Variants in CPED1 observed in about 807,000 individuals in gnomAD.
CPED1 encodes the protein cadherin-like and PC-esterase domain-containing protein 1.
Under a neutral mutation model 128.2 loss-of-function variants are expected in CPED1, and 114 were observed. The observed-to-expected ratio is 0.89, with a 90% CI of 0.76 to 1.04. The LOEUF (loss-of-function observed/expected upper bound fraction) is 1.04, where lower values mean the gene tolerates loss of function less well. Ranked by LOEUF, CPED1 falls within the 50% of genes least tolerant of loss-of-function variation. The pLI, the probability that CPED1 is intolerant of heterozygous loss-of-function variation, is 0.00. For synonymous variants in CPED1, 462 were observed against 426.7 expected (o/e 1.08, Z -1.02); for missense variants, 1,211 against 1,207.1 (o/e 1.00, Z -0.05).
At position 121,120,966 on chromosome 7, in the gene CPED1, T is replaced by TAAAA. The variant is rs539242359; in HGVS notation, c.919-3347_919-3344dup. 4.6e-4 allele frequency among the ~76,000 whole-genome samples: 42 copies of TAAAA among 91,654 alleles called. 2 individuals carry two copies. The highest frequency in any genetic ancestry group is 1.8e-3 in the East Asian group (3 of 1,672). 60.1% of individuals were successfully genotyped at this position (91,654 alleles called of 152,430 possible). A position where few individuals can be genotyped will look rare whatever the true frequency, so the allele number is the denominator to read the frequency against. On this transcript the variant is annotated intron_variant, in intron 7 of 22. Coordinates refer to ENST00000310396, the MANE Select transcript of CPED1 (RefSeq NM_024913.5). ...AGATAAAATAGGACAGTTCCTGACC[T>TAAAA]AAAAAAAAAAAAAAAAAAAAACAAA...
chr7:121,193,210 A>G (rs1487709901), intron 16 of CPED1, among the ~76,000 whole-genome samples: 1 of 152,190 alleles, frequency 6.6e-6, no homozygotes, highest in Non-Finnish European at 1.5e-5. Context: ...AGCTATTGCT[A>G]TGGTTAATTT....
chr7:121,208,419 A>T (rs1478834737), intron 16 of CPED1, among the ~76,000 whole-genome samples: 1 of 152,000 alleles, frequency 6.6e-6, no homozygotes, highest in Non-Finnish European at 1.5e-5. Context: ...CTTTAATTCC[A>T]ATCATGGTCA....
chr7:121,178,378 T>C (rs144632883), intron 16 of CPED1, among the ~76,000 whole-genome samples: 225 of 152,220 alleles, frequency 1.5e-3, no homozygotes, highest in African/African-American at 5.2e-3. Context: ...GCACCTATTA[T>C]ACACATGCGT....
intron 22 of CPED1, among the ~76,000 whole-genome samples, chr7:121,283,445 T>C (rs1792500325): frequency 1.3e-5 from 2 of 152,256 alleles, no homozygotes; most frequent in South Asian, 4.1e-4. Flanking sequence ...AAAATATACT[T>C]GCCAGTTTAA....
intron 16 of CPED1, among the ~76,000 whole-genome samples, chr7:121,235,956 G>C (rs917976186): frequency 6.6e-6 from 1 of 152,104 alleles, no homozygotes; most frequent in Admixed American, 6.6e-5. Flanking sequence ...GTGATAGACT[G>C]AGAGAACCCA....
intron 18 of CPED1, among the ~76,000 whole-genome samples, chr7:121,260,909 T>G (rs148607831): frequency 1.6e-3 from 251 of 152,204 alleles, no homozygotes; most frequent in African/African-American, 5.8e-3. Context: ...TTTTAATTTT[T>G]TTTCTTTTTC....
At chr7:121,067,048 A>G (rs1418325361) in intron 5 of CPED1, among the ~76,000 whole-genome samples, 3 of 152,044 alleles carry the variant, frequency 2.0e-5, no homozygotes, top group Admixed American at 2.0e-4. Flanking sequence ...TTTAGTATCC[A>G]TGGCTGGGGG....
intron 7 of CPED1, among the ~76,000 whole-genome samples, chr7:121,104,955 A>T (rs572071496): frequency 1.3e-5 from 2 of 152,200 alleles, no homozygotes; most frequent in Admixed American, 1.3e-4. Flanking sequence ...GAATTTCTGG[A>T]TAAGGGCCAC....
At chr7:121,243,855 T>TG (rs1042276524) in intron 17 of CPED1, among the ~76,000 whole-genome samples, 6 of 152,214 alleles carry the variant, frequency 3.9e-5, no homozygotes, top group African/African-American at 1.4e-4. Flanking sequence ...ACTGCCAATT[T>TG]GTGGGGCTCC....
At chr7:121,101,095 A>G (rs901579456) in intron 7 of CPED1, among the ~76,000 whole-genome samples, 2 of 152,006 alleles carry the variant, frequency 1.3e-5, no homozygotes, top group Non-Finnish European at 2.9e-5. Flanking sequence ...TTTTCCTATG[A>G]TTTCTTAGAC....
chr7:121,232,967 G>A (rs1798170919), intron 16 of CPED1, among the ~76,000 whole-genome samples: 1 of 152,010 alleles, frequency 6.6e-6, no homozygotes, highest in African/African-American at 2.4e-5. Flanking sequence ...CATTTAAAAT[G>A]AGAAATATTA....
intron 5 of CPED1, among the ~76,000 whole-genome samples, chr7:121,085,755 G>A (rs2110281): frequency 0.31 from 47,065 of 151,950 alleles, 7,609 homozygotes; most frequent in Middle Eastern, 0.4. Context: ...AATAATAACC[G>A]AATAGCATCT....
At chr7:121,183,214 T>G (rs752589555) in intron 16 of CPED1, among the ~76,000 whole-genome samples, 1 of 152,156 alleles carries the variant, frequency 6.6e-6, no homozygotes, top group Non-Finnish European at 1.5e-5. Flanking sequence ...GATGTAAAGC[T>G]TCCACTCAGT....
Position 121,067,720 on chromosome 7 carries a change from A to G in CPED1, c.616+3407A>G, listed in dbSNP as rs999900496. 2.4e-4 allele frequency among the ~76,000 whole-genome samples: 37 copies of G among 152,352 alleles called. 1 individual carries two copies. Among genetic ancestry groups the G allele is most frequent in the Admixed American group, 5.9e-4 (9 of 15,304 alleles). On this transcript the variant is annotated intron_variant, in intron 5 of 22. Coordinates refer to ENST00000310396, the MANE Select transcript of CPED1 (RefSeq NM_024913.5). Reference sequence around the variant, plus strand: ...TTCCACAATGGTTGAACTAGTTTACAGTCCCACCAACAGTGTAAAAGTGTT... The same window carrying G: ...TTCCACAATGGTTGAACTAGTTTACGGTCCCACCAACAGTGTAAAAGTGTT...
intron 18 of CPED1, chr7:121,261,635 GGT>G (rs1792019186): frequency 6.2e-7 from 1 of 1,610,332 alleles, no homozygotes; most frequent in African/African-American, 1.3e-5. Flanking sequence ...CCTTCAGTTG[GGT>G]GTCGATGTCC....
chr7:120,993,924 G>A, intron 2 of CPED1: 1 of 304,618 alleles, frequency 3.3e-6, no homozygotes, highest in Non-Finnish European at 6.8e-6. Context: ...GCTTCTCAGG[G>A]CAGCCACTAG....
rs141327974 is a variant in CPED1 at position 121,076,001 on chromosome 7, C to G, written c.616+11688C>G. On this transcript the variant is annotated intron_variant, in intron 5 of 22. Transcript: ENST00000310396. ...TGTATTTGTATGTGTTTGTCTCCCCCACAAGGACTGAGACGCCCTGAGGGT... is the reference window on the plus strand; with the variant it reads ...TGTATTTGTATGTGTTTGTCTCCCCGACAAGGACTGAGACGCCCTGAGGGT... Among the ~76,000 whole-genome samples the G allele has an allele frequency of 1.0e-3, 155 of 152,274 alleles. 1 individual carries two copies. The highest frequency in any genetic ancestry group is 3.4e-3 in the Middle Eastern group (1 of 294).
chr7:121,041,800 G>A (rs114033776), intron 3 of CPED1, among the ~76,000 whole-genome samples: 1,855 of 152,270 alleles, frequency 0.012, 17 homozygotes, highest in Middle Eastern at 0.027. Context: ...AGAACACTTA[G>A]AGAAGGATAA....
intron 11 of CPED1, among the ~76,000 whole-genome samples, chr7:121,129,290 T>TATATATATATATATAC (rs1345064676): frequency 5.3e-4 from 4 of 7,608 alleles, no homozygotes; most frequent in Non-Finnish European, 9.6e-4. Flanking sequence ...TATATATGTA[T>TATATATATATATATAC]ATATATATAT....
Sources: gnomAD v4.1 joint callset for allele counts (sites outside exome capture counted in the v4.1 genomes callset) on GRCh38, gnomAD v4.1.1 for gene constraint, MANE v1.5 for transcripts, NCBI Gene and HGNC (gene_info 2026-07-23, HGNC 2026-07-21) for gene names.